The following FGF11 variants were observed in gnomAD, a reference collection of about 807,000 sequenced individuals.
FGF11 encodes fibroblast growth factor 11, also known as fibroblast growth factor homologous factor 3.
FGF11 carries 25 observed loss-of-function variants against 25.1 expected under a neutral mutation model. That is an observed-to-expected ratio of 1.00 (90% confidence interval 0.73 to 1.39). The LOEUF (loss-of-function observed/expected upper bound fraction) is 1.39, where lower values mean the gene tolerates loss of function less well. Ranked by LOEUF, FGF11 falls within the 40% of genes most tolerant of loss-of-function variation. The pLI is 0.00. For missense variants in FGF11, 320 were observed against 311.0 expected, an observed-to-expected ratio of 1.03 and a Z score of -0.22; for synonymous variants, 130 against 128.9, an observed-to-expected ratio of 1.01 and a Z score of -0.06.
intron 3 of FGF11, 193 bp downstream of exon 3, chr17:7,442,072 G>T: frequency 1.9e-6 from 1 of 526,304 alleles, no homozygotes; most frequent in Non-Finnish European, 3.3e-6. Context: ...CCCACTCCTT[G>T]CACACCCCCA....
At chr17:7,442,005 C>A in intron 3 of FGF11, 126 bp downstream of exon 3, 1 of 700,296 alleles carries the variant, frequency 1.4e-6, no homozygotes, top group African/African-American at 1.8e-5. Context: ...TCCAGCTTTG[C>A]TGATGGCCTG....
chr17:7,441,831 G>C lies in FGF11; in HGVS notation c.360G>C (p.Lys120Asn), dbSNP rs1350487238. ...GTGTGGTCACCATCCAGAGCGCCAA[G>C]CTGGGTCACTACATGGCCATGAATG... is the stretch of plus-strand genomic sequence containing the variant. ...GLRVVTIQSA[K>N]LGHYMAMNAE... Residue 120 changes from lysine to asparagine, a missense_variant, in exon 3 of 5, where the codon AAG becomes AAC. Transcript: ENST00000293829. 1.9e-6 allele frequency: 3 copies of C among 1,612,850 alleles called. No individual in the cohort carries two copies. Among genetic ancestry groups the C allele is most frequent in the Non-Finnish European group, 2.5e-6 (3 of 1,179,450 alleles).
At position 7,442,738 on chromosome 17, in the gene FGF11, A is replaced by G. The variant is rs1477081619; in HGVS notation, c.553A>G (p.Asn185Asp). 1 of 1,614,044 alleles carries G rather than the reference A, an allele frequency of 6.2e-7. No individual in the cohort carries two copies. Among genetic ancestry groups the G allele is most frequent in the South Asian group, 1.1e-5 (1 of 91,068 alleles). ...CAAGGAGGGCCAGGTCATGAAGGGAAACCGAGTTAAGAAGACCAAGGCAGC... is the reference window on the plus strand; with the variant it reads ...CAAGGAGGGCCAGGTCATGAAGGGAGACCGAGTTAAGAAGACCAAGGCAGC... ...LDKEGQVMKGNRVKKTKAAAH... is the reference protein window; with the variant it reads ...LDKEGQVMKGDRVKKTKAAAH... Residue 185 changes from asparagine (N) to aspartate (D), a missense_variant, in exon 4 of 5, where the codon AAC (asparagine) becomes GAC (aspartate). Physicochemically the swap from Asn to Asp is conservative, Grantham distance 23 (BLOSUM62 1). Transcript: ENST00000293829.
At position 7,443,090 on chromosome 17, in the gene FGF11, G is replaced by A. The variant is rs140341581; in HGVS notation, c.622G>A (p.Glu208Lys). The change falls in exon 5 of 5, where the codon GAG (glutamate) becomes AAG (lysine). Residue 208 changes from glutamate (E) to lysine (K), a missense_variant. Glu to Lys is a moderately conservative substitution (Grantham distance 56). Coordinates refer to ENST00000293829, the MANE Select transcript of FGF11 (RefSeq NM_004112.4). ...CCCCTTCACAGTGGCCATGTACCAG[G>A]AGCCTTCTCTCCACAGTGTCCCCGA... ...PKLLEVAMYQ[E>K]PSLHSVPEAS... 4 of 1,612,270 alleles carry A rather than the reference G, an allele frequency of 2.5e-6. No homozygotes were observed. The African/African-American group carries it at 4.0e-5, about 16-fold the overall frequency.
chr17:7,439,728 G>C lies in FGF11; in HGVS notation c.108G>C (p.Lys36Asn), dbSNP rs773858153. The C allele has an allele frequency of 6.4e-7, 1 of 1,574,330 alleles. No individual in the cohort carries two copies. Among genetic ancestry groups the C allele is most frequent in the Non-Finnish European group, 8.6e-7 (1 of 1,164,954 alleles). The change falls in exon 1 of 5, where the codon AAG (lysine) becomes AAC (asparagine). Residue 36 changes from lysine (K) to asparagine (N), a missense_variant. Coordinates refer to ENST00000293829, the MANE Select transcript of FGF11 (RefSeq NM_004112.4). Reference sequence around the variant, plus strand: ...GGCGCGTGTGTCCCCGCGGCACCAAGTCCCTTTGCCAGAAGCAGCTCCTCA... The same window carrying C: ...GGCGCGTGTGTCCCCGCGGCACCAACTCCCTTTGCCAGAAGCAGCTCCTCA... ...AQRRVCPRGT[K>N]SLCQKQLLIL...
At chr17:7,441,987 C>A in intron 3 of FGF11, 108 bp downstream of exon 3, 2 of 807,968 alleles carry the variant, frequency 2.5e-6, no homozygotes, top group African/African-American at 1.7e-5. Context: ...TTGCCCGGGA[C>A]TCCTCCCTCC....
intron 3 of FGF11, chr17:7,442,081 C>T (rs1457818086): frequency 5.9e-6 from 3 of 511,474 alleles, no homozygotes; most frequent in Non-Finnish European, 1.0e-5. Flanking sequence ...TGCACACCCC[C>T]AAAACAGCCC....
upstream of FGF11, chr17:7,438,406 T>C (rs1302600877): frequency 2.0e-5 from 3 of 153,392 alleles, no homozygotes; most frequent in Non-Finnish European, 4.4e-5. Flanking sequence ...ACACCCTCAC[T>C]CCTTCCCGAG....
rs1908325807 is a variant in FGF11 at position 7,441,552 on chromosome 17, A to G, written c.275A>G (p.Gln92Arg). ...YLQANPDGSIQGTPEDTSSFT... is the reference protein window; with the variant it reads ...YLQANPDGSIRGTPEDTSSFT... ...CAGGCGAATCCCGACGGAAGCATCC[A>G]GGGCACCCCAGAGGATACCAGCTCC... The change falls in exon 2 of 5, where the codon CAG becomes CGG. Residue 92 changes from glutamine (Q) to arginine (R), a missense_variant. Gln to Arg is a conservative substitution (Grantham distance 43). Coordinates refer to ENST00000293829, the MANE Select transcript of FGF11 (RefSeq NM_004112.4). 1.9e-6 allele frequency: 3 copies of G among 1,614,210 alleles called. No individual in the cohort carries two copies. The highest frequency in any genetic ancestry group is 4.5e-5 in the East Asian group (2 of 44,878).
chr17:7,441,586 GA>G lies in FGF11; in HGVS notation c.304+6del. On this transcript the variant is annotated splice_donor_region_variant and intron_variant, in intron 2 of 4. Transcript: ENST00000293829. ...CAGAGGATACCAGCTCCTTCAGTGA[GA>G]GGGGAAGCTGGCTGCAGGGTGGGAA... The G allele has an allele frequency of 1.9e-6, 3 of 1,614,182 alleles. No individual in the cohort carries two copies. The highest frequency in any genetic ancestry group is 2.5e-6 in the Non-Finnish European group (3 of 1,180,020).
intron 4 of FGF11, 100 bp downstream of exon 4, chr17:7,442,892 C>T: frequency 7.5e-7 from 1 of 1,332,774 alleles, no homozygotes; most frequent in African/African-American, 1.4e-5. Context: ...GATAAGAGGA[C>T]CCTTTGTGAC....
chr17:7,444,339 T>C lies in FGF11; in HGVS notation c.*1193T>C, dbSNP rs1264980738. On this transcript the variant is annotated 3_prime_UTR_variant, in exon 5 of 5. Transcript: ENST00000293829. ...TGTTGGGTGGACATGAATACTTAGC[T>C]ACCTCAGCAGGAATTCCTTCCAGGT... 6.6e-6 allele frequency: 1 copy of C among 152,572 alleles called. No individual in the cohort carries two copies. The highest frequency in any genetic ancestry group is 1.9e-4 in the East Asian group (1 of 5,200). The allele number at this position is 152,572 out of a possible 1,614,324, so 9.5% of individuals were successfully genotyped here.
chr17:7,443,186 G>A lies in FGF11; in HGVS notation c.*40G>A. Reference sequence around the variant, plus strand: ...ACTGGAGGTTCCCTGCACTCCCAGTGAGCCAGCCACCACCACAACCTGTCT... The same window carrying A: ...ACTGGAGGTTCCCTGCACTCCCAGTAAGCCAGCCACCACCACAACCTGTCT... On this transcript the variant is annotated 3_prime_UTR_variant, in exon 5 of 5. Transcript: ENST00000293829. 7.7e-7 allele frequency: 1 copy of A among 1,300,972 alleles called. No individual in the cohort carries two copies. The allele number at this position is 1,300,972 out of a possible 1,614,324, so 80.6% of individuals were successfully genotyped here. A position where few individuals can be genotyped will look rare whatever the true frequency, so the allele number is the denominator to read the frequency against.
At position 7,440,559 on chromosome 17, in the gene FGF11, G is replaced by T; in HGVS notation, c.193+746G>T. On this transcript the variant is annotated intron_variant, in intron 1 of 4. Coordinates refer to ENST00000293829, the MANE Select transcript of FGF11 (RefSeq NM_004112.4). This position sits in a 1 kb window ranked among gnomAD's most constrained non-coding sequence, Gnocchi z 5.4. Reference sequence around the variant, plus strand: ...CCTACAAGGGGGGACAGGGAAGTCGGCAGAGAGCAAGCGATGGGGGAGGAG... The same window carrying T: ...CCTACAAGGGGGGACAGGGAAGTCGTCAGAGAGCAAGCGATGGGGGAGGAG... The T allele has an allele frequency of 2.9e-6, 2 of 694,756 alleles. No individual in the cohort carries two copies. Among genetic ancestry groups the T allele is most frequent in the Non-Finnish European group, 3.5e-6 (2 of 564,342 alleles). The allele number at this position is 694,756 out of a possible 1,614,324, so 43.0% of individuals were successfully genotyped here.
chr17:7,443,030 T>G (rs1457976654), intron 4 of FGF11, 46 bp from the exon 5 acceptor site: 1 of 1,476,436 alleles, frequency 6.8e-7, no homozygotes. Context: ...TGGGTCCCTC[T>G]GTGCCTAACT....
At position 7,440,809 on chromosome 17, in the gene FGF11, T is replaced by C. The variant is rs1908287919; in HGVS notation, c.194-662T>C. 1.0e-6 allele frequency: 1 copy of C among 987,118 alleles called. No individual in the cohort carries two copies. 61.1% of individuals were successfully genotyped at this position (987,118 alleles called of 1,614,324 possible). ...CCATCTCCTCAGCTCCCACCCCCCA[T>C]ATCCTTGGTAAGGTCCCCCTTACCC... On this transcript the variant is annotated intron_variant, in intron 1 of 4. Coordinates refer to ENST00000293829, the MANE Select transcript of FGF11 (RefSeq NM_004112.4). This position sits in a 1 kb window ranked among gnomAD's most constrained non-coding sequence, Gnocchi z 5.4.
chr17:7,442,457 G>C, intron 3 of FGF11, 137 bp from the exon 4 acceptor site: 1 of 1,519,140 alleles, frequency 6.6e-7, no homozygotes, highest in South Asian at 1.3e-5. Context: ...TTTGCTCCCA[G>C]GTCCTACATG....
rs925077920 is a variant in FGF11 at position 7,439,538 on chromosome 17, T to C, written c.-83T>C. On this transcript the variant is annotated 5_prime_UTR_variant, in exon 1 of 5. It removes an upstream start codon present in the reference 5' UTR. Coordinates refer to ENST00000293829, the MANE Select transcript of FGF11 (RefSeq NM_004112.4). ...AGTCGGGGCCTGAGCGTCAAGAGCATGCCCTAGTGAGCGGGCTCCTCTGGG... is the reference window on the plus strand; with the variant it reads ...AGTCGGGGCCTGAGCGTCAAGAGCACGCCCTAGTGAGCGGGCTCCTCTGGG... The C allele has an allele frequency of 1.7e-6, 2 of 1,152,766 alleles. No individual in the cohort carries two copies. The highest frequency in any genetic ancestry group is 2.3e-6 in the Non-Finnish European group (2 of 873,344). 71.4% of individuals were successfully genotyped at this position (1,152,766 alleles called of 1,614,324 possible). A position where few individuals can be genotyped will look rare whatever the true frequency, so the allele number is the denominator to read the frequency against.
At position 7,441,535 on chromosome 17, in the gene FGF11, T is replaced by A. The variant is rs1350538559; in HGVS notation, c.258T>A (p.Asn86Lys). The change falls in exon 2 of 5, where the codon AAT becomes AAA. Residue 86 changes from asparagine (N) to lysine (K), a missense_variant. Transcript: ENST00000293829. ...FCRQGFYLQA[N>K]PDGSIQGTPE... ...GCCAGGGTTTCTACCTCCAGGCGAA[T>A]CCCGACGGAAGCATCCAGGGCACCC... The A allele has an allele frequency of 3.7e-6, 6 of 1,613,988 alleles. No homozygotes were observed. Among genetic ancestry groups the A allele is most frequent in the South Asian group, 1.1e-5 (1 of 91,086 alleles).
Sources: gnomAD v4.1 joint callset for allele counts on GRCh38, gnomAD v4.1.1 for gene constraint, Gnocchi (gnomAD v3.1) non-coding constraint, MANE v1.5 for transcripts, NCBI Gene and HGNC (gene_info 2026-07-23, HGNC 2026-07-21) for gene names.